The following POC5 variants were observed in gnomAD, a reference collection of about 807,000 sequenced individuals.
POC5 encodes POC5 centriolar protein.
In POC5, 48 loss-of-function variants were observed where a neutral mutation model predicts 62.9. That is an observed-to-expected ratio of 0.76 (90% CI 0.61 to 0.97). The LOEUF (loss-of-function observed/expected upper bound fraction) is 0.97. Among genes scored for constraint, POC5 ranks in the 50% least tolerant of loss-of-function variants. POC5 has a pLI of 0.00. For synonymous variants in POC5, 236 were observed against 228.2 expected, an observed-to-expected ratio of 1.03 and a Z score of -0.31; for missense variants, 696 against 679.5, an observed-to-expected ratio of 1.02 and a Z score of -0.27.
At chr5:75,677,333 GAA>G (rs1324781292) in intron 11 of POC5, among the ~76,000 whole-genome samples, 1 of 152,144 alleles carries the variant, frequency 6.6e-6, no homozygotes, top group Admixed American at 6.5e-5. Flanking sequence ...GAAAAAAGGG[GAA>G]GACTTTTTTT....
intron 10 of POC5, among the ~76,000 whole-genome samples, chr5:75,684,813 T>G (rs1347419901): frequency 6.6e-6 from 1 of 152,180 alleles, no homozygotes; most frequent in Non-Finnish European, 1.5e-5. Context: ...CCACAGATTT[T>G]TTTTTTCTCC....
intron 10 of POC5, 48 bp downstream of exon 10, chr5:75,685,159 G>A (rs915468469): frequency 1.9e-6 from 3 of 1,539,232 alleles, no homozygotes; most frequent in South Asian, 1.2e-5. Flanking sequence ...GAGCCACTGG[G>A]CCTGGCCGCC....
chr5:75,677,447 T>C (rs1775712212), intron 11 of POC5: 1 of 160,288 alleles, frequency 6.2e-6, no homozygotes. Flanking sequence ...TTTGTCTCTT[T>C]TTAAACTGAT....
chr5:75,702,972 G>A (rs1776954666), intron 4 of POC5, 162 bp from the exon 5 acceptor site: 1 of 623,974 alleles, frequency 1.6e-6, no homozygotes, highest in Non-Finnish European at 2.8e-6. Context: ...TTTAATTTCA[G>A]TATTGTCAGT....
At chr5:75,696,215 C>G (rs868461597) in intron 5 of POC5, 1 of 153,778 alleles carries the variant, frequency 6.5e-6, no homozygotes, top group South Asian at 2.0e-4. Flanking sequence ...CCCACCACAG[C>G]TGAAGGAGAC....
rs368789105 is a variant in POC5, at chr5:75,689,117, G to A, written c.1024C>T (p.His342Tyr). The change falls in exon 9 of 12, where the codon CAT (histidine) becomes TAT (tyrosine). Residue 342 changes from histidine to tyrosine, a missense_variant. Coordinates refer to ENST00000428202, the MANE Select transcript of POC5 (RefSeq NM_001099271.2). ...GAATCTTCAAAGTGCTCTTTTTCAT[G>A]TTGCATTCTTTGAATCTCAGCTTTT... The part of the protein sequence containing the change: ...NAKAEIQRMQ[H>Y]EKEHFEDSMK... 16 of 1,584,940 alleles carry A rather than the reference G, an allele frequency of 1.0e-5. No homozygotes were observed. The highest frequency in any genetic ancestry group is 1.4e-5 in the Non-Finnish European group (16 of 1,164,442).
In POC5 at chr5:75,689,092, G is replaced by C; in HGVS notation, c.1049C>G (p.Ser350Cys). ...ACCCCTCATGAAAGCTTTTTTCATG[G>C]AATCTTCAAAGTGCTCTTTTTCATG... ...MQHEKEHFED[S>C]MKKAFMRGVC... Residue 350 changes from serine to cysteine, a missense_variant, in exon 9 of 12, where the codon TCC becomes TGC. Physicochemically the swap from Ser to Cys is moderately radical, Grantham distance 112. Transcript: ENST00000428202. The C allele has an allele frequency of 6.3e-7, 1 of 1,598,676 alleles. No individual in the cohort carries two copies. The highest frequency in any genetic ancestry group is 8.5e-7 in the Non-Finnish European group (1 of 1,172,018).
rs1423440259 is a variant in POC5, at chr5:75,689,447, T to C, written c.976-282A>G. On this transcript the variant is annotated intron_variant, in intron 8 of 11. Transcript: ENST00000428202. ...GATGTATTTTCATTTCACAAAAAGA[T>C]ACACCATTTTTTACTGTAAAACTTT... The C allele has an allele frequency of 4.1e-6, 4 of 985,020 alleles. No individual in the cohort carries two copies. In the African/African-American group the frequency reaches 7.0e-5, roughly 17 times the overall value. The allele number at this position is 985,020 out of a possible 1,614,324, so 61.0% of individuals were successfully genotyped here. A position where few individuals can be genotyped will look rare whatever the true frequency, so the allele number is the denominator to read the frequency against.
chr5:75,715,510 C>T (rs993877639), intron 1 of POC5, among the ~76,000 whole-genome samples: 2 of 152,030 alleles, frequency 1.3e-5, no homozygotes, highest in South Asian at 2.1e-4. Flanking sequence ...ATTTATAAAA[C>T]CATCAGATCT....
intron 10 of POC5, among the ~76,000 whole-genome samples, chr5:75,683,126 G>C (rs1415678006): frequency 1.3e-5 from 2 of 152,242 alleles, no homozygotes; most frequent in East Asian, 3.9e-4. Context: ...AAGTGGTTAG[G>C]AGTTGGGGAG....
intron 10 of POC5, among the ~76,000 whole-genome samples, chr5:75,684,429 CA>C (rs1776009148): frequency 7.3e-6 from 1 of 137,054 alleles, no homozygotes. Flanking sequence ...GCAATGGCAT[CA>C]TCTTGGCTCA....
At chr5:75,713,587 A>C (rs1036387896) in intron 1 of POC5, among the ~76,000 whole-genome samples, 1 of 152,248 alleles carries the variant, frequency 6.6e-6, no homozygotes, top group Non-Finnish European at 1.5e-5. Flanking sequence ...CCAGGCATGT[A>C]TATTATATAA....
intron 6 of POC5, 56 bp downstream of exon 6, chr5:75,694,599 T>C (rs754138314): frequency 2.0e-5 from 26 of 1,294,778 alleles, no homozygotes; most frequent in Non-Finnish European, 2.6e-5. Flanking sequence ...TTAGAATTTA[T>C]TATCTAGCAA....
chr5:75,702,888 A>G, intron 4 of POC5, 78 bp from the exon 5 acceptor site: 3 of 1,127,690 alleles, frequency 2.7e-6, no homozygotes, highest in Non-Finnish European at 3.8e-6. Context: ...CTGGAAGGCT[A>G]AAAGACGTCT....
chr5:75,702,000 G>T (rs1776906226), intron 5 of POC5, among the ~76,000 whole-genome samples: 1 of 152,178 alleles, frequency 6.6e-6, no homozygotes, highest in South Asian at 2.1e-4. Flanking sequence ...GCCATTCAAA[G>T]TATCTGTGAA....
intron 9 of POC5, among the ~76,000 whole-genome samples, chr5:75,686,079 A>G (rs1053338050): frequency 6.6e-6 from 1 of 152,252 alleles, no homozygotes; most frequent in Non-Finnish European, 1.5e-5. Flanking sequence ...ATAAATCATA[A>G]GAGCATATTT....
chr5:75,697,159 T>C (rs4703678), intron 5 of POC5, among the ~76,000 whole-genome samples: 37,177 of 152,032 alleles, frequency 0.24, 4,768 homozygotes, highest in South Asian at 0.32. Context: ...AGAACTTCCC[T>C]AATCTAGCAA....
intron 1 of POC5, among the ~76,000 whole-genome samples, chr5:75,714,762 G>A (rs1777480896): frequency 6.6e-6 from 1 of 152,144 alleles, no homozygotes; most frequent in South Asian, 2.1e-4. Context: ...TATGCAGTCT[G>A]TGGTCACACT....
intron 4 of POC5, among the ~76,000 whole-genome samples, chr5:75,704,041 G>T (rs1183067923): frequency 1.3e-5 from 2 of 151,656 alleles, no homozygotes; most frequent in Non-Finnish European, 2.9e-5. Context: ...TATAGTCCCA[G>T]CTACTTGGGA....
Sources: gnomAD v4.1 joint callset for allele counts (sites outside exome capture counted in the v4.1 genomes callset) on GRCh38, gnomAD v4.1.1 for gene constraint, MANE v1.5 for transcripts, NCBI Gene and HGNC (gene_info 2026-07-23, HGNC 2026-07-21) for gene names.